MSRA: variants seen among roughly 807,000 people sequenced by gnomAD.
The protein encoded by MSRA is mitochondrial peptide methionine sulfoxide reductase.
MSRA carries 54 observed loss-of-function variants against 31.3 expected under a neutral mutation model. That is an observed-to-expected ratio of 1.73 (90% CI 1.39 to 2.17). MSRA has a LOEUF of 2.17. Ranked by LOEUF, MSRA falls within the 30% of genes most tolerant of loss-of-function variation. The pLI is 0.00. For synonymous variants in MSRA, 169 were observed against 116.5 expected (o/e 1.45, Z -2.90); for missense variants, 507 against 300.9 (o/e 1.69, Z -5.07).
intron 5 of MSRA, among the ~76,000 whole-genome samples, chr8:10,343,618 G>A (rs1803582383): frequency 6.6e-6 from 1 of 152,142 alleles, no homozygotes; most frequent in Non-Finnish European, 1.5e-5. Flanking sequence ...GTAACCCAGT[G>A]CTCCTTATTC....
At chr8:10,190,156 A>G (rs1194931101) in intron 1 of MSRA, among the ~76,000 whole-genome samples, 1 of 151,892 alleles carries the variant, frequency 6.6e-6, no homozygotes, top group Non-Finnish European at 1.5e-5. Context: ...GCTTTGGGGG[A>G]GGGGGGTCAT....
intron 2 of MSRA, among the ~76,000 whole-genome samples, chr8:10,225,175 C>T (rs1057417554): frequency 6.6e-6 from 1 of 152,218 alleles, no homozygotes; most frequent in African/African-American, 2.4e-5. Flanking sequence ...AACTTCTCAC[C>T]CAACCTGTGT....
At position 10,301,759 on chromosome 8, in the gene MSRA, C is replaced by A. The variant is rs960818514; in HGVS notation, c.436+121C>A. 3.8e-6 allele frequency: 3 copies of A among 787,154 alleles called. No homozygotes were observed. The Admixed American group carries it at 8.4e-5, about 22-fold the overall frequency. The allele number at this position is 787,154 out of a possible 1,614,324, so 48.8% of individuals were successfully genotyped here. Reference sequence around the variant, plus strand: ...ACACAGGAGCTCAAGAATATGATTGCAGACATTTATTGACGGAGGAGAGGA... The same window carrying A: ...ACACAGGAGCTCAAGAATATGATTGAAGACATTTATTGACGGAGGAGAGGA... On this transcript the variant is annotated intron_variant, in intron 4 of 5. Transcript: ENST00000317173.
intron 1 of MSRA, among the ~76,000 whole-genome samples, chr8:10,105,834 C>T (rs946481396): frequency 5.9e-5 from 9 of 152,036 alleles, no homozygotes; most frequent in South Asian, 2.1e-4. Flanking sequence ...CATGCTGTCC[C>T]GTCTAAACAA....
intron 1 of MSRA, among the ~76,000 whole-genome samples, chr8:10,189,672 A>G (rs1046105618): frequency 1.3e-5 from 2 of 152,164 alleles, no homozygotes; most frequent in South Asian, 4.1e-4. Context: ...AACAACTTTG[A>G]ATTCCTTGGA....
rs184902566 is a variant in MSRA, at chr8:10,349,055, G to A, written c.543+29066G>A. On this transcript the variant is annotated intron_variant, in intron 5 of 5. Coordinates refer to ENST00000317173, the MANE Select transcript of MSRA (RefSeq NM_012331.5). ...AAGAGAATGGAATAAAAAGAATGCC[G>A]ACAAAATTTGAATAATCATATGCGA... 9.9e-5 allele frequency among the ~76,000 whole-genome samples: 15 copies of A among 152,242 alleles called. No individual in the cohort carries two copies. The East Asian group carries it at 1.5e-3, about 16-fold the overall frequency.
At chr8:10,351,852 A>T (rs755927549) in intron 5 of MSRA, among the ~76,000 whole-genome samples, 6 of 152,306 alleles carry the variant, frequency 3.9e-5, no homozygotes, top group Non-Finnish European at 8.8e-5. Flanking sequence ...TTTTCCTAAT[A>T]AACTCCCAGA....
intron 1 of MSRA, among the ~76,000 whole-genome samples, chr8:10,126,927 C>A (rs772482030): frequency 2.6e-5 from 4 of 152,344 alleles, no homozygotes; most frequent in Admixed American, 6.5e-5. Context: ...GGAGGCGGAG[C>A]TCAGGCAGTA....
At chr8:10,195,989 G>A (rs1358660328) in intron 1 of MSRA, among the ~76,000 whole-genome samples, 1 of 152,182 alleles carries the variant, frequency 6.6e-6, no homozygotes, top group African/African-American at 2.4e-5. Context: ...GGAAGGGGAG[G>A]TGTGGGCCCA....
At chr8:10,142,186 G>A (rs1802778727) in intron 1 of MSRA, among the ~76,000 whole-genome samples, 1 of 152,194 alleles carries the variant, frequency 6.6e-6, no homozygotes, top group East Asian at 1.9e-4. Flanking sequence ...TGCAACTCCC[G>A]ACCTCAGGTG....
chr8:10,420,811 A>G (rs563688084), intron 5 of MSRA, among the ~76,000 whole-genome samples: 4 of 152,162 alleles, frequency 2.6e-5, no homozygotes, highest in South Asian at 2.1e-4. Context: ...TTGTACAACA[A>G]TGTGAATGTA....
chr8:10,061,450 C>T (rs963288961), intron 1 of MSRA, among the ~76,000 whole-genome samples: 1 of 152,116 alleles, frequency 6.6e-6, no homozygotes, highest in Non-Finnish European at 1.5e-5. Context: ...CTCTACTGGA[C>T]AAATAGCTAT....
At chr8:10,082,858 G>C (rs1013385535) in intron 1 of MSRA, among the ~76,000 whole-genome samples, 32 of 152,218 alleles carry the variant, frequency 2.1e-4, no homozygotes, top group Non-Finnish European at 3.2e-4. Flanking sequence ...AAAGTGCCGT[G>C]AACAGAGTAG....
chr8:10,225,766 C>T (rs1810946677), intron 2 of MSRA, among the ~76,000 whole-genome samples: 1 of 152,118 alleles, frequency 6.6e-6, no homozygotes, highest in Non-Finnish European at 1.5e-5. Flanking sequence ...CACTCGGAGC[C>T]TCAGAGAGGA....
intron 1 of MSRA, among the ~76,000 whole-genome samples, chr8:10,138,542 C>T (rs554012944): frequency 6.6e-6 from 1 of 152,292 alleles, no homozygotes; most frequent in Non-Finnish European, 1.5e-5. Flanking sequence ...TCAAATATGT[C>T]AGTCTTTTCA....
At chr8:10,363,418 T>C (rs919947285) in intron 5 of MSRA, among the ~76,000 whole-genome samples, 2 of 152,090 alleles carry the variant, frequency 1.3e-5, no homozygotes, top group African/African-American at 4.8e-5. Context: ...CCCGTCCAAA[T>C]TTACCTGCGC....
At chr8:10,194,298 G>A (rs1473479094) in intron 1 of MSRA, among the ~76,000 whole-genome samples, 1 of 152,192 alleles carries the variant, frequency 6.6e-6, no homozygotes, top group Non-Finnish European at 1.5e-5. Flanking sequence ...TAGCCTCCAT[G>A]GCTCCTGCCT....
chr8:10,395,674 C>G (rs1182506217), intron 5 of MSRA, among the ~76,000 whole-genome samples: 2 of 152,118 alleles, frequency 1.3e-5, no homozygotes, highest in African/African-American at 4.8e-5. Flanking sequence ...TAATGAAATG[C>G]TGAGAATGTC....
chr8:10,113,024 C>T (rs1209640234), intron 1 of MSRA, among the ~76,000 whole-genome samples: 1 of 152,166 alleles, frequency 6.6e-6, no homozygotes, highest in Non-Finnish European at 1.5e-5. Context: ...CTGTTGGCTC[C>T]TTGCATATTC....
Sources: gnomAD v4.1 joint callset for allele counts (sites outside exome capture counted in the v4.1 genomes callset) on GRCh38, gnomAD v4.1.1 for gene constraint, MANE v1.5 for transcripts, NCBI Gene and HGNC (gene_info 2026-07-23, HGNC 2026-07-21) for gene names.